PLAT: variants seen among roughly 807,000 people sequenced by gnomAD.
PLAT encodes the protein tissue-type plasminogen activator.
In PLAT, 48 loss-of-function variants were observed where a neutral mutation model predicts 74.9. The ratio of observed to expected loss-of-function variants is 0.64; its 90% confidence interval spans 0.51 to 0.82. The LOEUF (loss-of-function observed/expected upper bound fraction) is 0.82, where lower values mean the gene tolerates loss of function less well. PLAT is among the 40% of genes least tolerant of loss of function. The pLI is 0.00. For missense variants in PLAT, 673 were observed against 736.2 expected, an observed-to-expected ratio of 0.91 and a Z score of 0.99; for synonymous variants, 307 against 294.4, an observed-to-expected ratio of 1.04 and a Z score of -0.44.
chr8:42,192,389 A>G (rs866355793), intron 2 of PLAT, among the ~76,000 whole-genome samples: 2 of 152,124 alleles, frequency 1.3e-5, no homozygotes, highest in African/African-American at 4.8e-5. Flanking sequence ...AAAATAAAAA[A>G]TAATAATATA....
chr8:42,176,641 CTG>C (rs1367340644), intron 13 of PLAT, among the ~76,000 whole-genome samples: 2 of 152,244 alleles, frequency 1.3e-5, no homozygotes, highest in Admixed American at 6.5e-5. Context: ...GCATGATAAA[CTG>C]TGAGGTGTGG....
At chr8:42,180,465 A>G (rs760842546) in intron 10 of PLAT, 25 bp downstream of exon 10, 1 of 1,613,804 alleles carries the variant, frequency 6.2e-7, no homozygotes, top group South Asian at 1.1e-5. Flanking sequence ...GGGTGGAAAA[A>G]CCAACTGGGT....
chr8:42,184,994 C>T (rs1805393789), intron 7 of PLAT, 87 bp downstream of exon 7: 1 of 833,494 alleles, frequency 1.2e-6, no homozygotes. Context: ...CCTTTCTCCC[C>T]TCAGGTGCAG....
rs1258382500 is a variant in PLAT, at chr8:42,187,291, T to C, written c.539+107A>G. The C allele has an allele frequency of 6.9e-6, 6 of 873,430 alleles. No homozygotes were observed. In the African/African-American group the frequency reaches 8.3e-5, roughly 12 times the overall value. The allele number at this position is 873,430 out of a possible 1,614,324, so 54.1% of individuals were successfully genotyped here. A position where few individuals can be genotyped will look rare whatever the true frequency, so the allele number is the denominator to read the frequency against. Reference sequence around the variant, plus strand: ...CTATCATCTATCCATCTATCCATCCTGTATTGGTTATGTTTCTTGGGAGAA... The same window carrying C: ...CTATCATCTATCCATCTATCCATCCCGTATTGGTTATGTTTCTTGGGAGAA... On this transcript the variant is annotated intron_variant, in intron 6 of 13. Transcript: ENST00000220809.
chr8:42,197,501 G>A (rs1344727758), intron 1 of PLAT, among the ~76,000 whole-genome samples: 1 of 152,222 alleles, frequency 6.6e-6, no homozygotes, highest in Non-Finnish European at 1.5e-5. Context: ...CAGAGCCAAG[G>A]ATGCATGCCG....
At chr8:42,178,819 T>C (rs1805081945) in intron 13 of PLAT, 78 bp downstream of exon 13, 4 of 1,392,684 alleles carry the variant, frequency 2.9e-6, no homozygotes, top group Non-Finnish European at 4.0e-6. Flanking sequence ...ATAACTTTTT[T>C]CTTTGGTGAA....
chr8:42,181,084 G>C (rs952150798), intron 9 of PLAT, among the ~76,000 whole-genome samples: 5 of 152,132 alleles, frequency 3.3e-5, no homozygotes, highest in Non-Finnish European at 5.9e-5. Context: ...GTGCAATCCT[G>C]CCTCCTCGCA....
intron 4 of PLAT, 79 bp from the exon 5 acceptor site, chr8:42,188,095 AC>A: frequency 1.3e-6 from 1 of 773,870 alleles, no homozygotes; most frequent in African/African-American, 1.7e-5. Flanking sequence ...AGCCCTGTCT[AC>A]CACAATCCAC....
chr8:42,193,897 G>A (rs911763205), intron 1 of PLAT, among the ~76,000 whole-genome samples: 8 of 151,882 alleles, frequency 5.3e-5, no homozygotes, highest in African/African-American at 1.9e-4. Flanking sequence ...TGTATTTTTA[G>A]TAGAGACGGG....
intron 3 of PLAT, among the ~76,000 whole-genome samples, chr8:42,190,498 A>T (rs1043001361): frequency 1.3e-5 from 2 of 152,180 alleles, no homozygotes. Flanking sequence ...TTTACTTTCA[A>T]TTAATTAAAG....
In PLAT at chr8:42,188,030, A is replaced by G; in HGVS notation, c.254-14T>C. ...GCTCGCTGCAACCTGTCAAGTATAAAAAAGGAAGCCCCTAATGACAGCCTC... is the reference window on the plus strand; with the variant it reads ...GCTCGCTGCAACCTGTCAAGTATAAGAAAGGAAGCCCCTAATGACAGCCTC... On this transcript the variant is annotated splice_polypyrimidine_tract_variant and intron_variant, in intron 4 of 13. Coordinates refer to ENST00000220809, the MANE Select transcript of PLAT (RefSeq NM_000930.5). 6.5e-7 allele frequency: 1 copy of G among 1,546,412 alleles called. No individual in the cohort carries two copies. Among genetic ancestry groups the G allele is most frequent in the Non-Finnish European group, 8.9e-7 (1 of 1,119,526 alleles).
At chr8:42,187,366 G>A in intron 6 of PLAT, 32 bp downstream of exon 6, 3 of 1,522,540 alleles carry the variant, frequency 2.0e-6, no homozygotes, top group Non-Finnish European at 2.7e-6. Flanking sequence ...GCTTCTCACA[G>A]GGGGAATCCC....
rs539845333 is a variant in PLAT, at chr8:42,179,911, C to T, written c.1363+15G>A. On this transcript the variant is annotated intron_variant, in intron 12 of 13. Transcript: ENST00000220809. The stretch of plus-strand genomic sequence containing the variant: ...TCCCGCAGACAGGATGGGGCCGAGA[C>T]TTCCTTCCACTTACAGGCCTCATGC... The T allele has an allele frequency of 2.6e-6, 4 of 1,567,270 alleles. No homozygotes were observed. In the South Asian group the frequency reaches 4.7e-5, roughly 18 times the overall value.
chr8:42,178,264 C>CTTTTTTTTTTTTTTTTTTTTTTTTTTT (rs5891180), intron 13 of PLAT, among the ~76,000 whole-genome samples: 1 of 110,072 alleles, frequency 9.1e-6, no homozygotes, highest in Non-Finnish European at 1.8e-5. Flanking sequence ...ACATTTCTTT[C>CTTTTTTTTTTTTTTTTTTTTTTTTTTT]TTTTTTTTTT....
intron 1 of PLAT, among the ~76,000 whole-genome samples, chr8:42,205,074 T>C (rs976167421): frequency 1.3e-5 from 2 of 152,174 alleles, no homozygotes; most frequent in African/African-American, 4.8e-5. Flanking sequence ...AGGAAACTCC[T>C]TGTGGACTTC....
At chr8:42,200,677 A>G (rs1233471043) in intron 1 of PLAT, among the ~76,000 whole-genome samples, 1 of 150,278 alleles carries the variant, frequency 6.7e-6, no homozygotes, top group African/African-American at 2.4e-5. Flanking sequence ...CCTGTCTCAA[A>G]AAAAAAAAAA....
intron 7 of PLAT, chr8:42,184,816 A>G (rs1487091998): frequency 1.5e-5 from 5 of 336,172 alleles, no homozygotes; most frequent in Admixed American, 4.8e-5. Flanking sequence ...ACTGAAAACC[A>G]CTGATTCAGC....
At position 42,193,123 on chromosome 8, in the gene PLAT, C is replaced by T. The variant is rs756034710; in HGVS notation, c.63G>A (p.Ser21=). ...GATCCTGCACACCAACCTGGCTGGGCGAAACGAAGACTGCTCCACACAGCA... is the reference window on the plus strand; with the variant it reads ...GATCCTGCACACCAACCTGGCTGGGTGAAACGAAGACTGCTCCACACAGCA... ...VLLLCGAVFV[S]PSQEIHARFR... is the part of the protein sequence containing the mutation. Residue 21 remains serine (S), a synonymous_variant, in exon 2 of 14, where the codon TCG becomes TCA. Coordinates refer to ENST00000220809, the MANE Select transcript of PLAT (RefSeq NM_000930.5). 22 of 1,612,544 alleles carry T rather than the reference C, an allele frequency of 1.4e-5. No homozygotes were observed. Among genetic ancestry groups the T allele is most frequent in the Middle Eastern group, 1.6e-4 (1 of 6,082 alleles).
At chr8:42,176,761 C>G (rs8178799) in intron 13 of PLAT, among the ~76,000 whole-genome samples, 1 of 152,160 alleles carries the variant, frequency 6.6e-6, no homozygotes, top group Non-Finnish European at 1.5e-5. Context: ...TGAATTAACC[C>G]ACCACTATTA....
Sources: gnomAD v4.1 joint callset for allele counts (sites outside exome capture counted in the v4.1 genomes callset) on GRCh38, gnomAD v4.1.1 for gene constraint, MANE v1.5 for transcripts, NCBI Gene and HGNC (gene_info 2026-07-23, HGNC 2026-07-21) for gene names.